SKAP2: variants seen among roughly 807,000 people sequenced by gnomAD.
The protein encoded by SKAP2 is src kinase associated phosphoprotein 2, also known as src kinase-associated phosphoprotein 2.
In SKAP2, 28 loss-of-function variants were observed where a neutral mutation model predicts 54.9. The observed-to-expected ratio is 0.51, with a 90% confidence interval of 0.38 to 0.70. The LOEUF is 0.70. SKAP2 is among the 30% of genes least tolerant of loss of function. The pLI is 0.00. For missense variants in SKAP2, 356 were observed against 424.1 expected (o/e 0.84, Z 1.41); for synonymous variants, 137 against 134.3 (o/e 1.02, Z -0.14).
intron 9 of SKAP2, among the ~76,000 whole-genome samples, chr7:26,693,833 C>T (rs936885408): frequency 6.6e-6 from 1 of 152,042 alleles, no homozygotes; most frequent in Non-Finnish European, 1.5e-5. Flanking sequence ...ATACAAATAG[C>T]TTCCATATAA....
At chr7:26,770,978 T>A (rs371861040) in intron 4 of SKAP2, among the ~76,000 whole-genome samples, 1 of 152,192 alleles carries the variant, frequency 6.6e-6, no homozygotes, top group Middle Eastern at 3.2e-3. Context: ...GAGACAAGTA[T>A]AACAACTGTT....
At chr7:26,849,051 T>C (rs1443560072) in intron 3 of SKAP2, among the ~76,000 whole-genome samples, 1 of 152,228 alleles carries the variant, frequency 6.6e-6, no homozygotes, top group South Asian at 2.1e-4. Context: ...AGGAAAAAGC[T>C]GTGAATTATT....
At chr7:26,772,575 T>C (rs1783210869) in intron 4 of SKAP2, among the ~76,000 whole-genome samples, 1 of 152,206 alleles carries the variant, frequency 6.6e-6, no homozygotes, top group Non-Finnish European at 1.5e-5. Flanking sequence ...TTTTTATGGC[T>C]GCATAGTATT....
intron 9 of SKAP2, among the ~76,000 whole-genome samples, chr7:26,700,221 T>C (rs921568017): frequency 2.0e-5 from 3 of 152,184 alleles, no homozygotes; most frequent in Non-Finnish European, 4.4e-5. Flanking sequence ...TCTATATCTA[T>C]AAAGATTTCA....
At chr7:26,663,406 A>G (rs889036573), downstream of SKAP2, among the ~76,000 whole-genome samples, 5 of 152,112 alleles carry the variant, frequency 3.3e-5, no homozygotes, top group Admixed American at 1.3e-4. Flanking sequence ...TGTTCAAAAA[A>G]CACAACAGAA....
At chr7:26,811,641 C>T (rs1476124190) in intron 4 of SKAP2, among the ~76,000 whole-genome samples, 1 of 152,082 alleles carries the variant, frequency 6.6e-6, no homozygotes, top group African/African-American at 2.4e-5. Context: ...TAAAACAGAT[C>T]CCCCCTCCAC....
At chr7:26,758,204 T>A (rs1427160410) in intron 4 of SKAP2, among the ~76,000 whole-genome samples, 1 of 148,432 alleles carries the variant, frequency 6.7e-6, no homozygotes, top group Non-Finnish European at 1.5e-5. Flanking sequence ...TGTAGGGAAT[T>A]TTTTTTTTCC....
intron 1 of SKAP2, among the ~76,000 whole-genome samples, chr7:26,855,365 T>G (rs1484793044): frequency 6.6e-6 from 1 of 152,100 alleles, no homozygotes; most frequent in Non-Finnish European, 1.5e-5. Flanking sequence ...TAATCAATTT[T>G]CAGGTATATC....
intron 9 of SKAP2, among the ~76,000 whole-genome samples, chr7:26,718,925 T>C (rs1012927033): frequency 2.0e-5 from 3 of 151,706 alleles, no homozygotes; most frequent in African/African-American, 7.3e-5. Flanking sequence ...ATGCCTGTAA[T>C]CCCAGCACTT....
At chr7:26,831,488 C>A (rs1784594340) in intron 4 of SKAP2, among the ~76,000 whole-genome samples, 3 of 152,084 alleles carry the variant, frequency 2.0e-5, no homozygotes, top group Admixed American at 6.6e-5. Flanking sequence ...ACAACACTCA[C>A]AAACAGTTGT....
chr7:26,705,744 T>C (rs1385085672), intron 9 of SKAP2, among the ~76,000 whole-genome samples: 2 of 152,232 alleles, frequency 1.3e-5, no homozygotes, highest in Admixed American at 1.3e-4. Flanking sequence ...GGCTCCCAGA[T>C]GCTTCTTGCC....
At chr7:26,859,906 T>C (rs1030404585) in intron 1 of SKAP2, among the ~76,000 whole-genome samples, 3 of 152,218 alleles carry the variant, frequency 2.0e-5, no homozygotes, top group Non-Finnish European at 2.9e-5. Context: ...AAGTGAATCA[T>C]GAGTATATAA....
At chr7:26,660,820 G>A in the SKAP2 span, among the ~76,000 whole-genome samples, 15,172 of 151,926 alleles carry the variant, frequency 0.1, 906 homozygotes, top group Non-Finnish European at 0.15. Flanking sequence ...TTGATTAATG[G>A]TTCAAAATAA....
At chr7:26,800,002 T>C (rs1783877170) in intron 4 of SKAP2, among the ~76,000 whole-genome samples, 2 of 142,712 alleles carry the variant, frequency 1.4e-5, no homozygotes, top group African/African-American at 2.5e-5. Flanking sequence ...GGGGTGTCTG[T>C]AGTCCCAGCT....
intron 4 of SKAP2, among the ~76,000 whole-genome samples, chr7:26,825,353 T>A (rs548475802): frequency 7.0e-4 from 107 of 152,212 alleles, no homozygotes; most frequent in African/African-American, 2.6e-3. Context: ...TGTTTTTTAC[T>A]AAAGAATAGA....
intron 4 of SKAP2, among the ~76,000 whole-genome samples, chr7:26,763,535 T>C (rs1232150705): frequency 6.6e-6 from 1 of 152,182 alleles, no homozygotes; most frequent in African/African-American, 2.4e-5. Context: ...TTTCACTTTA[T>C]AGATAATAAG....
intron 4 of SKAP2, among the ~76,000 whole-genome samples, chr7:26,813,021 G>T (rs954440913): frequency 6.6e-6 from 1 of 152,138 alleles, no homozygotes; most frequent in East Asian, 1.9e-4. Context: ...CTATACTCAC[G>T]CTGTATTCAG....
intron 4 of SKAP2, among the ~76,000 whole-genome samples, chr7:26,784,211 A>G (rs1783489641): frequency 6.6e-6 from 1 of 152,046 alleles, no homozygotes; most frequent in Non-Finnish European, 1.5e-5. Context: ...TTAAGCTGGT[A>G]TACAAACCTT....
chr7:26,801,916 T>C (rs1783923270), intron 4 of SKAP2, among the ~76,000 whole-genome samples: 1 of 152,120 alleles, frequency 6.6e-6, no homozygotes, highest in African/African-American at 2.4e-5. Context: ...ATTGTTACAA[T>C]GTCCATATTA....
Sources: allele counts gnomAD v4.1 joint callset (sites outside exome capture counted in the v4.1 genomes callset), GRCh38; gene constraint gnomAD v4.1.1; transcripts MANE v1.5; gene names NCBI Gene and HGNC (gene_info 2026-07-23, HGNC 2026-07-21).